Variants in DAB1 observed in about 807,000 individuals in gnomAD.
DAB1 encodes the protein DAB adaptor protein 1.
A neutral mutation model predicts 64.6 loss-of-function variants in DAB1; 15 were observed. That is an observed-to-expected ratio of 0.23 (90% confidence interval 0.16 to 0.36). The LOEUF is 0.36. DAB1 is among the 10% of genes least tolerant of loss of function. The probability of loss-of-function intolerance (pLI) is 1.00; values close to 1 mark genes in which losing one functional copy is unlikely to be tolerated. For synonymous variants in DAB1, 235 were observed against 251.9 expected, an observed-to-expected ratio of 0.93 and a Z score of 0.64; for missense variants, 596 against 706.7, an observed-to-expected ratio of 0.84 and a Z score of 1.78.
intron 4 of DAB1, among the ~76,000 whole-genome samples, chr1:58,193,664 T>C (rs1657511272): frequency 6.6e-6 from 1 of 152,162 alleles, no homozygotes; most frequent in African/African-American, 2.4e-5. Flanking sequence ...AAGACCATTC[T>C]GGGCAACATG....
In DAB1 at chr1:58,115,195, C is replaced by A. The variant is rs373095234; in HGVS notation, n.387+35316G>T. On this transcript the variant is annotated intron_variant and non_coding_transcript_variant, in intron 5 of 20. Transcript: ENST00000485760. ...GGGCGAAGGACATGAACAGACACTTCTCAAAAGAAGACATTTATGCAGCCA... is the reference window on the plus strand; with the variant it reads ...GGGCGAAGGACATGAACAGACACTTATCAAAAGAAGACATTTATGCAGCCA... Among the ~76,000 whole-genome samples the A allele has an allele frequency of 3.2e-4, 34 of 106,788 alleles. 2 individuals are homozygous for A. In the East Asian group the frequency reaches 5.6e-3, roughly 18 times the overall value. The allele number at this position is 106,788 out of a possible 152,430, so 70.1% of individuals were successfully genotyped here.
At chr1:58,505,270 T>C in intron 3 of DAB1, among the ~76,000 whole-genome samples, 1 of 152,234 alleles carries the variant, frequency 6.6e-6, no homozygotes, top group East Asian at 1.9e-4. Context: ...GGATCTGTTG[T>C]GCTATGCCTT....
At chr1:57,355,907 C>T (rs954969272) in intron 1 of DAB1, among the ~76,000 whole-genome samples, 1 of 140,218 alleles carries the variant, frequency 7.1e-6, no homozygotes, top group African/African-American at 2.6e-5. Context: ...CACACACACA[C>T]ACACACACAC....
intron 9 of DAB1, among the ~76,000 whole-genome samples, chr1:57,052,701 T>C (rs1557632914): frequency 6.6e-6 from 1 of 152,048 alleles, no homozygotes; most frequent in Non-Finnish European, 1.5e-5. Context: ...TGGTGACAAA[T>C]GGAATTGGAG....
intron 5 of DAB1, among the ~76,000 whole-genome samples, chr1:57,906,607 A>T (rs1466305311): frequency 6.6e-6 from 1 of 152,194 alleles, no homozygotes; most frequent in African/African-American, 2.4e-5. Flanking sequence ...TGGTCTGGCC[A>T]GCCTAGCAGG....
chr1:57,098,454 C>G (rs988582585), intron 4 of DAB1, among the ~76,000 whole-genome samples: 15 of 152,158 alleles, frequency 9.9e-5, no homozygotes, highest in Non-Finnish European at 1.9e-4. Context: ...CACGGACCCC[C>G]ATTACCATCT....
intron 14 of DAB1, among the ~76,000 whole-genome samples, chr1:56,999,237 C>T (rs1156888557): frequency 6.6e-6 from 1 of 152,188 alleles, no homozygotes; most frequent in Non-Finnish European, 1.5e-5. Context: ...TCACAACAGC[C>T]TTGTAAGGCA....
intron 4 of DAB1, among the ~76,000 whole-genome samples, chr1:58,316,337 GGT>G (rs1292576553): frequency 6.6e-6 from 1 of 152,140 alleles, no homozygotes; most frequent in Non-Finnish European, 1.5e-5. Flanking sequence ...CACAACAGGT[GGT>G]ATGCAAATAT....
At chr1:58,156,076 A>G (rs1309515769) in intron 4 of DAB1, among the ~76,000 whole-genome samples, 1 of 152,238 alleles carries the variant, frequency 6.6e-6, no homozygotes, top group Non-Finnish European at 1.5e-5. Context: ...CACAAATGAG[A>G]TCACAACACT....
chr1:57,081,407 T>C (rs1652545982), intron 4 of DAB1, among the ~76,000 whole-genome samples: 1 of 152,126 alleles, frequency 6.6e-6, no homozygotes, highest in Non-Finnish European at 1.5e-5. Flanking sequence ...CACAAGATAA[T>C]GGTCTTGCAG....
intron 4 of DAB1, among the ~76,000 whole-genome samples, chr1:58,190,089 C>T (rs1468046547): frequency 6.6e-6 from 1 of 152,162 alleles, no homozygotes; most frequent in Non-Finnish European, 1.5e-5. Flanking sequence ...TGGATTAGAA[C>T]ATCTGGGAGT....
At chr1:58,067,652 A>G (rs1303017315) in intron 5 of DAB1, among the ~76,000 whole-genome samples, 7 of 152,254 alleles carry the variant, frequency 4.6e-5, no homozygotes. Flanking sequence ...TTTGTTAGGA[A>G]CATTTTAAAA....
chr1:57,210,565 GC>G (rs1665921995), intron 2 of DAB1, among the ~76,000 whole-genome samples: 1 of 152,060 alleles, frequency 6.6e-6, no homozygotes. Context: ...TATACCAAAG[GC>G]CTCATTCATC....
chr1:58,039,832 C>A (rs562989158), intron 5 of DAB1, among the ~76,000 whole-genome samples: 1 of 152,004 alleles, frequency 6.6e-6, no homozygotes, highest in East Asian at 1.9e-4. Flanking sequence ...AATTTATTGT[C>A]GAGGTTGAAT....
chr1:57,896,834 C>A (rs1644398937), intron 5 of DAB1, among the ~76,000 whole-genome samples: 1 of 152,058 alleles, frequency 6.6e-6, no homozygotes, highest in Non-Finnish European at 1.5e-5. Flanking sequence ...GTGTTTGAGG[C>A]AAAATCAGAA....
At chr1:57,366,241 G>A (rs80205519) in intron 1 of DAB1, among the ~76,000 whole-genome samples, 4,642 of 152,206 alleles carry the variant, frequency 0.03, 121 homozygotes, top group Non-Finnish European at 0.044. Context: ...TTATGAGTCC[G>A]TTTTACTTAT....
intron 9 of DAB1, among the ~76,000 whole-genome samples, chr1:57,036,976 AGAAAATC>A (rs1210197107): frequency 6.6e-6 from 1 of 152,222 alleles, no homozygotes; most frequent in Non-Finnish European, 1.5e-5. Flanking sequence ...TCACAAAGGA[AGAAAATC>A]TTTTTTATGG....
intron 4 of DAB1, among the ~76,000 whole-genome samples, chr1:57,123,954 T>C (rs1366984378): frequency 6.6e-6 from 1 of 152,148 alleles, no homozygotes; most frequent in East Asian, 1.9e-4. Flanking sequence ...CTACATTTTA[T>C]AAATTTTCTA....
chr1:57,002,249 G>A (rs1167370605), intron 14 of DAB1, among the ~76,000 whole-genome samples: 2 of 152,174 alleles, frequency 1.3e-5, no homozygotes, highest in African/African-American at 2.4e-5. Context: ...AAGCACAGGA[G>A]ACTAAGTCAT....
Sources: allele counts gnomAD v4.1 joint callset (sites outside exome capture counted in the v4.1 genomes callset), GRCh38; gene constraint gnomAD v4.1.1; transcripts MANE v1.5; gene names NCBI Gene and HGNC (gene_info 2026-07-23, HGNC 2026-07-21).